Variants in CD5 observed in about 807,000 individuals in gnomAD.
CD5 encodes the protein T-cell surface glycoprotein CD5.
In CD5, 36 loss-of-function variants were observed where a neutral mutation model predicts 60.3. That is an observed-to-expected ratio of 0.60 (90% CI 0.46 to 0.79). The LOEUF is 0.79. Among genes scored for constraint, CD5 ranks in the 30% least tolerant of loss-of-function variants. The pLI is 0.00. For synonymous variants in CD5, 230 were observed against 257.6 expected (o/e 0.89, Z 1.03); for missense variants, 540 against 630.6 (o/e 0.86, Z 1.54).
chr11:61,102,497 C>CG lies in CD5; in HGVS notation c.-62dup. ...TCTCCCTCTCTGAGAGCGAGATACC[C>CG]GGCCAGACACCCTCACCTGCGGTGC... On this transcript the variant is annotated 5_prime_UTR_variant, in exon 1 of 11. Coordinates refer to ENST00000347785, the MANE Select transcript of CD5 (RefSeq NM_014207.4). 7.6e-7 allele frequency: 1 copy of CG among 1,309,466 alleles called. No homozygotes were observed. Among genetic ancestry groups the CG allele is most frequent in the South Asian group, 1.3e-5 (1 of 78,490 alleles). 81.1% of individuals were successfully genotyped at this position (1,309,466 alleles called of 1,614,324 possible). A position where few individuals can be genotyped will look rare whatever the true frequency, so the allele number is the denominator to read the frequency against.
At chr11:61,114,856 C>T (rs983285356) in intron 1 of CD5, among the ~76,000 whole-genome samples, 200 bp from the exon 2 acceptor site, 5 of 151,870 alleles carry the variant, frequency 3.3e-5, no homozygotes, top group African/African-American at 9.7e-5. Context: ...GAAAAAAAAT[C>T]GATAGTTGCA....
At chr11:61,096,418 G>C in the CD5 span, among the ~76,000 whole-genome samples, 2 of 152,258 alleles carry the variant, frequency 1.3e-5, no homozygotes, top group Non-Finnish European at 2.9e-5. Flanking sequence ...TTGGTTGATA[G>C]TGGTGCTGAA....
At chr11:61,120,825 G>C (rs577153114) in intron 5 of CD5, among the ~76,000 whole-genome samples, 1 of 152,184 alleles carries the variant, frequency 6.6e-6, no homozygotes, top group African/African-American at 2.4e-5. Context: ...CAGTCCCACC[G>C]GCCCCTCAGC....
At position 61,119,466 on chromosome 11, in the gene CD5, C is replaced by T. The variant is rs756860403; in HGVS notation, c.696C>T (p.Pro232=). ...CAGGGGAGCCACGGGAACACCAGCC[C>T]TTGCCAATCCAATGGAAGATCCAGA... ...QDPGEPREHQ[P]LPIQWKIQNS... The change falls in exon 5 of 11, where the codon CCC becomes CCT. Residue 232 remains proline, a synonymous_variant. Transcript: ENST00000347785. 1.2e-6 allele frequency: 2 copies of T among 1,614,096 alleles called. No individual in the cohort carries two copies. Among genetic ancestry groups the T allele is most frequent in the African/African-American group, 1.3e-5 (1 of 74,934 alleles).
chr11:61,103,610 T>C (rs898320260), intron 1 of CD5, among the ~76,000 whole-genome samples: 3 of 150,752 alleles, frequency 2.0e-5, no homozygotes, highest in Admixed American at 2.0e-4. Context: ...TATGTGTGTC[T>C]GTGTGAGTCT....
chr11:61,119,423 C>A lies in CD5; in HGVS notation c.653C>A (p.Ala218Glu), dbSNP rs1215108179. Residue 218 changes from alanine to glutamate, a missense_variant, in exon 5 of 11, where the codon GCA becomes GAA. Physicochemically the swap from Ala to Glu is moderately radical, Grantham distance 107. Coordinates refer to ENST00000347785, the MANE Select transcript of CD5 (RefSeq NM_014207.4). ...SFLKHLPETEAGRAQDPGEPR... is the reference protein window; with the variant it reads ...SFLKHLPETEEGRAQDPGEPR... ...TTGAAGCATCTGCCAGAGACTGAGG[C>A]AGGCAGAGCCCAAGACCCAGGGGAG... 1 of 1,614,052 alleles carries A rather than the reference C, an allele frequency of 6.2e-7. No homozygotes were observed. The highest frequency in any genetic ancestry group is 2.2e-5 in the East Asian group (1 of 44,900).
At chr11:61,110,444 G>C (rs190905191) in intron 1 of CD5, among the ~76,000 whole-genome samples, 20 of 152,352 alleles carry the variant, frequency 1.3e-4, no homozygotes, top group Admixed American at 1.3e-3. Context: ...TGAGCCCAGA[G>C]AGGCTGAGTG....
Position 61,123,043 on chromosome 11 carries a change from C to T in CD5, c.1225+11C>T, listed in dbSNP as rs370905519. On this transcript the variant is annotated intron_variant, in intron 7 of 10. Transcript: ENST00000347785. ...AGCTAGTGAAGAAATGTAGGTGTCA[C>T]GGCCCTGAGTGGCTCCGTTCCCACG... The T allele has an allele frequency of 2.7e-5, 44 of 1,603,172 alleles. No homozygotes were observed. Among genetic ancestry groups the T allele is most frequent in the African/African-American group, 1.6e-4 (12 of 74,692 alleles).
chr11:61,110,712 G>C (rs1860842311), intron 1 of CD5, among the ~76,000 whole-genome samples: 1 of 152,216 alleles, frequency 6.6e-6, no homozygotes, highest in Admixed American at 6.5e-5. Context: ...TTAGCTGCTT[G>C]GACAAGTCAT....
intron 1 of CD5, among the ~76,000 whole-genome samples, chr11:61,105,847 G>C (rs776267229): frequency 1.3e-5 from 2 of 152,144 alleles, no homozygotes; most frequent in African/African-American, 4.8e-5. Flanking sequence ...ACCAAAGACC[G>C]GGCATGGTGG....
rs1394652869 is a variant in CD5 at position 61,118,540 on chromosome 11, G to A, written c.400+60G>A. On this transcript the variant is annotated intron_variant, in intron 3 of 10. Transcript: ENST00000347785. This position sits in a 1 kb window ranked among gnomAD's most constrained non-coding sequence, Gnocchi z 4.7. ...CCTGGGCGCCAGCCCCGAGGAGACT[G>A]CCCGAGGCCTGTGATCTAGGGTCTG... 4 of 1,535,194 alleles carry A rather than the reference G, an allele frequency of 2.6e-6. No homozygotes were observed. The highest frequency in any genetic ancestry group is 3.6e-6 in the Non-Finnish European group (4 of 1,125,124).
chr11:61,100,518 A>G (rs1860655098), upstream of CD5, among the ~76,000 whole-genome samples: 1 of 150,190 alleles, frequency 6.7e-6, no homozygotes, highest in African/African-American at 2.5e-5. Context: ...ACACATATCA[A>G]CATGGAGATC....
At chr11:61,116,649 C>T (rs1860961119) in intron 2 of CD5, among the ~76,000 whole-genome samples, 1 of 139,798 alleles carries the variant, frequency 7.2e-6, no homozygotes, top group Non-Finnish European at 1.5e-5. Flanking sequence ...ACACACACCC[C>T]ACACACACCA....
intron 1 of CD5, among the ~76,000 whole-genome samples, chr11:61,110,392 G>A (rs1391470930): frequency 2.6e-5 from 4 of 152,174 alleles, no homozygotes; most frequent in Non-Finnish European, 4.4e-5. Context: ...GGAAGGTGAG[G>A]GACTGTGGAA....
At chr11:61,105,599 G>A (rs1277436732) in intron 1 of CD5, among the ~76,000 whole-genome samples, 1 of 152,150 alleles carries the variant, frequency 6.6e-6, no homozygotes, top group Admixed American at 6.5e-5. Context: ...GGAGCCAATG[G>A]GGAGGAGGGT....
chr11:61,112,297 C>T (rs1354067814), intron 1 of CD5, among the ~76,000 whole-genome samples: 5 of 151,798 alleles, frequency 3.3e-5, no homozygotes, highest in Non-Finnish European at 7.4e-5. Context: ...ATTTCTCTCG[C>T]TAGCTGGACA....
intron 5 of CD5, among the ~76,000 whole-genome samples, chr11:61,120,844 T>TTGTA (rs1315393544): frequency 6.6e-6 from 1 of 152,194 alleles, no homozygotes; most frequent in African/African-American, 2.4e-5. Context: ...GCTACTATCC[T>TTGTA]TCCTGCAGGC....
chr11:61,095,566 C>A, the CD5 span, among the ~76,000 whole-genome samples: 3 of 152,076 alleles, frequency 2.0e-5, no homozygotes, highest in Admixed American at 6.6e-5. Flanking sequence ...GTGCTCCAGG[C>A]GGCAACTAAG....
At chr11:61,099,478 T>TTACACACACATCAACATGGAGATCA (rs1860627768), upstream of CD5, among the ~76,000 whole-genome samples, 2 of 105,572 alleles carry the variant, frequency 1.9e-5, no homozygotes, top group Non-Finnish European at 3.6e-5. Context: ...AACATGGAGA[T>TTACACACACATCAACATGGAGATCA]CACACACACA....
Sources: allele counts gnomAD v4.1 joint callset (sites outside exome capture counted in the v4.1 genomes callset), GRCh38; gene constraint gnomAD v4.1.1; non-coding constraint Gnocchi (gnomAD v3.1); transcripts MANE v1.5; gene names NCBI Gene and HGNC (gene_info 2026-07-23, HGNC 2026-07-21).